Variants in PIEZO2 observed in about 807,000 individuals in gnomAD.
PIEZO2 encodes the protein piezo-type mechanosensitive ion channel component 2.
A neutral mutation model predicts 337.3 loss-of-function variants in PIEZO2; 172 were observed. The ratio of observed to expected loss-of-function variants is 0.51; its 90% CI spans 0.45 to 0.58. The LOEUF (loss-of-function observed/expected upper bound fraction) is 0.58, where lower values mean the gene tolerates loss of function less well. Among genes scored for constraint, PIEZO2 ranks in the 20% least tolerant of loss-of-function variants. The pLI, the probability that PIEZO2 is intolerant of heterozygous loss-of-function variation, is 0.00. For synonymous variants in PIEZO2, 1,251 were observed against 1,228.5 expected (o/e 1.02, Z -0.38); for missense variants, 3,028 against 3,391.3 (o/e 0.89, Z 2.66).
intron 16 of PIEZO2, 77 bp from the exon 17 acceptor site, chr18:10,785,034 TCA>T: frequency 7.0e-7 from 1 of 1,423,372 alleles, no homozygotes; most frequent in Non-Finnish European, 9.4e-7. Flanking sequence ...ATAAACTACA[TCA>T]CAGTCTTACA....
chr18:10,994,668 A>C (rs1186706418), intron 2 of PIEZO2, among the ~76,000 whole-genome samples: 1 of 150,470 alleles, frequency 6.6e-6, no homozygotes, highest in Non-Finnish European at 1.5e-5. Context: ...TCAGCCTCCC[A>C]AAGTGCTGGG....
chr18:11,029,931 T>G (rs2584734), intron 2 of PIEZO2, among the ~76,000 whole-genome samples: 73 of 151,954 alleles, frequency 4.8e-4, no homozygotes, highest in Middle Eastern at 3.2e-3. Context: ...CGTTCCCCAC[T>G]GAACTGCAAG....
rs1416352291 is a variant in PIEZO2, at chr18:10,870,095, C to A, written c.492+1158G>T. Among the ~76,000 whole-genome samples, 2 of 152,168 alleles carry A rather than the reference C, an allele frequency of 1.3e-5. No individual in the cohort carries two copies. The highest frequency in any genetic ancestry group is 2.9e-5 in the Non-Finnish European group (2 of 68,024). On this transcript the variant is annotated intron_variant, in intron 5 of 55. Coordinates refer to ENST00000674853, the MANE Select transcript of PIEZO2 (RefSeq NM_001378183.1). The surrounding 1 kb of genome is among the most constrained non-coding windows in gnomAD (Gnocchi z 5.3). Reference sequence around the variant, plus strand: ...TTCACCATGTTGGCCAGGCTGGTCTCGAACTCATGACCTCAGGTGATCTGC... The same window carrying A: ...TTCACCATGTTGGCCAGGCTGGTCTAGAACTCATGACCTCAGGTGATCTGC...
chr18:10,873,401 C>G (rs147355030), intron 4 of PIEZO2, among the ~76,000 whole-genome samples: 1 of 152,176 alleles, frequency 6.6e-6, no homozygotes, highest in African/African-American at 2.4e-5. Context: ...ATTCTCCCTA[C>G]GTTCACTTTT....
intron 5 of PIEZO2, among the ~76,000 whole-genome samples, chr18:10,860,010 C>T (rs1227594503): frequency 6.6e-6 from 1 of 151,992 alleles, no homozygotes; most frequent in Non-Finnish European, 1.5e-5. Context: ...CTATTTTTGT[C>T]TAGGGAGGAC....
At chr18:10,754,887 C>T (rs2037775313) in intron 27 of PIEZO2, among the ~76,000 whole-genome samples, 1 of 152,144 alleles carries the variant, frequency 6.6e-6, no homozygotes, top group Non-Finnish European at 1.5e-5. Context: ...TTGCCTATGT[C>T]TCATCTCGTT....
rs1371274103 is a variant in PIEZO2 at position 10,794,653 on chromosome 18, A to G, written c.1758+119T>C. The G allele has an allele frequency of 3.6e-6, 3 of 832,222 alleles. No individual in the cohort carries two copies. Among genetic ancestry groups the G allele is most frequent in the African/African-American group, 3.5e-5 (2 of 57,906 alleles). The allele number at this position is 832,222 out of a possible 1,614,324, so 51.6% of individuals were successfully genotyped here. A position where few individuals can be genotyped will look rare whatever the true frequency, so the allele number is the denominator to read the frequency against. On this transcript the variant is annotated intron_variant, in intron 13 of 55. Transcript: ENST00000674853. This position sits in a 1 kb window ranked among gnomAD's most constrained non-coding sequence, Gnocchi z 6.6. ...GTTTCTTACAGTCTCATGTTTGTTCATTTTTACAAAGCAGTGAATATTTGG... is the reference window on the plus strand; with the variant it reads ...GTTTCTTACAGTCTCATGTTTGTTCGTTTTTACAAAGCAGTGAATATTTGG...
rs1043518250 is a variant in PIEZO2, at chr18:10,824,068, C to T, written c.918-16794G>A. ...CTCACTTTTTCTACATATGTATGCACCCATAAATAATACATACAATTGTTA... is the reference window on the plus strand; with the variant it reads ...CTCACTTTTTCTACATATGTATGCATCCATAAATAATACATACAATTGTTA... On this transcript the variant is annotated intron_variant, in intron 7 of 55. Coordinates refer to ENST00000674853, the MANE Select transcript of PIEZO2 (RefSeq NM_001378183.1). This position sits in a 1 kb window ranked among gnomAD's most constrained non-coding sequence, Gnocchi z 4.4. Among the ~76,000 whole-genome samples the T allele has an allele frequency of 4.6e-5, 7 of 152,106 alleles. No homozygotes were observed. The highest frequency in any genetic ancestry group is 4.6e-4 in the Admixed American group (7 of 15,262).
At chr18:10,909,641 G>A (rs374485901) in intron 4 of PIEZO2, among the ~76,000 whole-genome samples, 8 of 152,286 alleles carry the variant, frequency 5.3e-5, no homozygotes, top group African/African-American at 1.7e-4. Flanking sequence ...AATAAATAAC[G>A]TAAGTGTGGC....
In PIEZO2 at chr18:10,783,137, G is replaced by GA. The variant is rs983843087; in HGVS notation, c.2492+1646dup. On this transcript the variant is annotated intron_variant, in intron 17 of 55. Coordinates refer to ENST00000674853, the MANE Select transcript of PIEZO2 (RefSeq NM_001378183.1). This position sits in a 1 kb window ranked among gnomAD's most constrained non-coding sequence, Gnocchi z 4.3. ...GCAAGAGAAGAAATGGCATTTGGAA[G>GA]AAAAAAAAGATTTTTTTTTAAAAAA... 2.0e-4 allele frequency among the ~76,000 whole-genome samples: 31 copies of GA among 151,698 alleles called. No homozygotes were observed. The highest frequency in any genetic ancestry group is 1.6e-3 in the Admixed American group (25 of 15,208).
In PIEZO2 at chr18:10,856,602, T is replaced by C. The variant is rs1203821061; in HGVS notation, c.703+399A>G. On this transcript the variant is annotated intron_variant, in intron 6 of 55. Transcript: ENST00000674853. The surrounding 1 kb of genome is among the most constrained non-coding windows in gnomAD (Gnocchi z 4.7). ...CTGGAGAGTTATATTAAGGTGACTATGGACTCATGTAAGCAGACAGACCTC... is the reference window on the plus strand; with the variant it reads ...CTGGAGAGTTATATTAAGGTGACTACGGACTCATGTAAGCAGACAGACCTC... Among the ~76,000 whole-genome samples the C allele has an allele frequency of 1.3e-5, 2 of 152,194 alleles. No homozygotes were observed. The highest frequency in any genetic ancestry group is 2.9e-5 in the Non-Finnish European group (2 of 68,038).
rs908866565 is a variant in PIEZO2, at chr18:10,846,301, A to G, written c.917+9052T>C. Among the ~76,000 whole-genome samples, 1 of 152,216 alleles carries G rather than the reference A, an allele frequency of 6.6e-6. No homozygotes were observed. Among genetic ancestry groups the G allele is most frequent in the African/African-American group, 2.4e-5 (1 of 41,450 alleles). ...AGGCAAACTCCCGTTTTTTAAAACC[A>G]TCAGATTTGTGAGACTCATTCACTA... On this transcript the variant is annotated intron_variant, in intron 7 of 55. Coordinates refer to ENST00000674853, the MANE Select transcript of PIEZO2 (RefSeq NM_001378183.1). This position sits in a 1 kb window ranked among gnomAD's most constrained non-coding sequence, Gnocchi z 4.1.
At chr18:10,914,731 T>C (rs2030793649) in intron 3 of PIEZO2, among the ~76,000 whole-genome samples, 2 of 152,172 alleles carry the variant, frequency 1.3e-5, no homozygotes, top group Admixed American at 1.3e-4. Flanking sequence ...AATAATGAAC[T>C]GTGATTCTTC....
At chr18:10,857,360 G>C (rs1373788960) in intron 5 of PIEZO2, 149 bp from the exon 6 acceptor site, 2 of 673,416 alleles carry the variant, frequency 3.0e-6, no homozygotes, top group Admixed American at 5.5e-5. Flanking sequence ...TTCCCCTCAG[G>C]TCTCTGATAA....
chr18:10,758,046 G>T lies in PIEZO2; in HGVS notation c.3846C>A (p.Asp1282Glu), dbSNP rs1327017004. The T allele has an allele frequency of 3.3e-6, 5 of 1,537,096 alleles. No homozygotes were observed. The highest frequency in any genetic ancestry group is 4.4e-6 in the Non-Finnish European group (5 of 1,146,800). ...CAAGGTTCATGCAGATCTCGACATT[G>T]TCACCTGCCATGATTCGCACTGCAG... ...NKAAVRIMAGDNVEICMNLDA... is the reference protein window; with the variant it reads ...NKAAVRIMAGENVEICMNLDA... Residue 1282 changes from aspartate to glutamate, a missense_variant, in exon 27 of 56, where the codon GAC becomes GAA. By Grantham distance (45) the Asp-to-Glu change is conservative. Coordinates refer to ENST00000674853, the MANE Select transcript of PIEZO2 (RefSeq NM_001378183.1).
intron 1 of PIEZO2, among the ~76,000 whole-genome samples, chr18:11,140,372 C>T (rs1224396018): frequency 1.3e-5 from 2 of 152,184 alleles, no homozygotes; most frequent in East Asian, 3.8e-4. Flanking sequence ...TTTCCGCCAC[C>T]AACCAAACTG....
rs1185469781 is a variant in PIEZO2 at position 10,682,087 on chromosome 18, G to T, written c.7686+17C>A. 5.9e-6 allele frequency: 9 copies of T among 1,529,330 alleles called. No homozygotes were observed. Among genetic ancestry groups the T allele is most frequent in the South Asian group, 1.2e-5 (1 of 82,774 alleles). 94.7% of individuals were successfully genotyped at this position (1,529,330 alleles called of 1,614,324 possible). On this transcript the variant is annotated intron_variant, in intron 50 of 55. Coordinates refer to ENST00000674853, the MANE Select transcript of PIEZO2 (RefSeq NM_001378183.1). This position sits in a 1 kb window ranked among gnomAD's most constrained non-coding sequence, Gnocchi z 5.6. ...GTGGGGCAAGGCTCTGGTAGGTGGGGTGTGCACAGAGATCACCTGATACCC... is the reference window on the plus strand; with the variant it reads ...GTGGGGCAAGGCTCTGGTAGGTGGGTTGTGCACAGAGATCACCTGATACCC...
intron 27 of PIEZO2, among the ~76,000 whole-genome samples, chr18:10,756,136 G>A (rs1204705511): frequency 1.3e-5 from 2 of 150,852 alleles, no homozygotes; most frequent in South Asian, 2.1e-4. Flanking sequence ...GGATGAGGAG[G>A]AGGGATGGAG....
chr18:10,920,782 G>T (rs750397730), intron 3 of PIEZO2, among the ~76,000 whole-genome samples: 1 of 152,146 alleles, frequency 6.6e-6, no homozygotes, highest in African/African-American at 2.4e-5. Context: ...GGCCAGGCAC[G>T]GTGGCTCACA....
Sources: allele counts gnomAD v4.1 joint callset (sites outside exome capture counted in the v4.1 genomes callset), GRCh38; gene constraint gnomAD v4.1.1; non-coding constraint Gnocchi (gnomAD v3.1); transcripts MANE v1.5; gene names NCBI Gene and HGNC (gene_info 2026-07-23, HGNC 2026-07-21).